CADM1: variants seen among roughly 807,000 people sequenced by gnomAD.
CADM1 encodes the protein cell adhesion molecule 1, also known as TSLC-1.
Under a neutral mutation model 53.1 loss-of-function variants are expected in CADM1, and 15 were observed. The observed-to-expected ratio is 0.28, with a 90% CI of 0.19 to 0.44. CADM1 has a LOEUF of 0.44. Among genes scored for constraint, CADM1 ranks in the 20% least tolerant of loss-of-function variants. The pLI is 1.00. For synonymous variants in CADM1, 281 were observed against 243.0 expected (o/e 1.16, Z -1.45); for missense variants, 434 against 611.3 (o/e 0.71, Z 3.06).
chr11:115,414,269 A>G (rs1323465009), intron 1 of CADM1, among the ~76,000 whole-genome samples: 1 of 152,152 alleles, frequency 6.6e-6, no homozygotes, highest in Admixed American at 6.5e-5. Context: ...CATCAATATG[A>G]TATTTTTACT....
intron 1 of CADM1, among the ~76,000 whole-genome samples, chr11:115,494,198 A>G (rs1438962471): frequency 6.6e-6 from 1 of 152,158 alleles, no homozygotes; most frequent in Non-Finnish European, 1.5e-5. Context: ...TAAAGTAAAT[A>G]CAAGTATTCA....
chr11:115,406,408 G>A (rs1947313152), intron 1 of CADM1, among the ~76,000 whole-genome samples: 3 of 150,944 alleles, frequency 2.0e-5, no homozygotes, highest in African/African-American at 7.3e-5. Flanking sequence ...CTTTACTGAA[G>A]ATTAAACTAA....
At chr11:115,225,324 C>A (rs1941566154) in intron 5 of CADM1, among the ~76,000 whole-genome samples, 1 of 150,172 alleles carries the variant, frequency 6.7e-6, no homozygotes, top group South Asian at 2.1e-4. Flanking sequence ...GGGGGGGGGA[C>A]TTTAATTCAC....
chr11:115,400,597 C>CTTTT (rs1947117174), intron 1 of CADM1, among the ~76,000 whole-genome samples: 1 of 133,804 alleles, frequency 7.5e-6, no homozygotes, highest in African/African-American at 2.9e-5. Flanking sequence ...ATATATCTCT[C>CTTTT]ATATATATAA....
At chr11:115,338,033 A>T (rs1565373150) in intron 1 of CADM1, among the ~76,000 whole-genome samples, 1 of 152,122 alleles carries the variant, frequency 6.6e-6, no homozygotes, top group Non-Finnish European at 1.5e-5. Context: ...ACTGGTCAGG[A>T]AGACTGGCTC....
chr11:115,361,051 A>G (rs993088334), intron 1 of CADM1, among the ~76,000 whole-genome samples: 3 of 152,316 alleles, frequency 2.0e-5, no homozygotes, highest in African/African-American at 7.2e-5. Context: ...TATAATGTCT[A>G]TATGTAATTA....
rs1167850017 is a variant in CADM1, at chr11:115,174,214, G to T, written c.*2260C>A. Reference sequence around the variant, plus strand: ...GCACTACTGTACACTTTTCAAAACAGAAAGATGGGAGGTCCCAAAAATGAG... The same window carrying T: ...GCACTACTGTACACTTTTCAAAACATAAAGATGGGAGGTCCCAAAAATGAG... On this transcript the variant is annotated 3_prime_UTR_variant, in exon 12 of 12. Coordinates refer to ENST00000331581, the MANE Select transcript of CADM1 (RefSeq NM_001301043.2). 2 of 984,656 alleles carry T rather than the reference G, an allele frequency of 2.0e-6. No homozygotes were observed. The highest frequency in any genetic ancestry group is 2.3e-4 in the East Asian group (2 of 8,794). 61.0% of individuals were successfully genotyped at this position (984,656 alleles called of 1,614,324 possible). A position where few individuals can be genotyped will look rare whatever the true frequency, so the allele number is the denominator to read the frequency against.
chr11:115,440,612 G>C lies in CADM1; in HGVS notation c.124+63659C>G, dbSNP rs45473492. Among the ~76,000 whole-genome samples, 822 of 152,254 alleles carry C rather than the reference G, an allele frequency of 5.4e-3. 4 individuals are homozygous for C. Among genetic ancestry groups the C allele is most frequent in the Non-Finnish European group, 8.9e-3 (604 of 68,016 alleles). On this transcript the variant is annotated intron_variant, in intron 1 of 11. Transcript: ENST00000331581. ...GTATTAAGTACACACAGACAGCTAA[G>C]GGGAGTTTGGAGGAAACACCACTGA... is the stretch of plus-strand genomic sequence containing the variant.
At chr11:115,459,358 G>A (rs1948746510) in intron 1 of CADM1, among the ~76,000 whole-genome samples, 1 of 152,100 alleles carries the variant, frequency 6.6e-6, no homozygotes, top group African/African-American at 2.4e-5. Flanking sequence ...CCTTGATAGA[G>A]TTTTATACTT....
intron 1 of CADM1, among the ~76,000 whole-genome samples, chr11:115,319,943 G>C (rs1001227527): frequency 2.0e-5 from 3 of 152,072 alleles, no homozygotes; most frequent in African/African-American, 4.8e-5. Flanking sequence ...GGCCTTATTT[G>C]GAGATTCTGT....
At chr11:115,197,546 CAT>C (rs1940218451) in intron 9 of CADM1, among the ~76,000 whole-genome samples, 1 of 152,100 alleles carries the variant, frequency 6.6e-6, no homozygotes, top group Admixed American at 6.5e-5. Context: ...ATTGGAGAGA[CAT>C]AGAAAAGTTA....
At chr11:115,358,409 AAG>A (rs1328147252) in intron 1 of CADM1, among the ~76,000 whole-genome samples, 19 of 152,286 alleles carry the variant, frequency 1.2e-4, no homozygotes, top group East Asian at 3.9e-4. Flanking sequence ...GGCAACAGAC[AAG>A]AGAGAAGAAC....
chr11:115,340,654 ATATAT>A (rs1463846300), intron 1 of CADM1, among the ~76,000 whole-genome samples: 9 of 52,632 alleles, frequency 1.7e-4, no homozygotes, highest in African/African-American at 2.6e-4. Flanking sequence ...ATATATATAT[ATATAT>A]TTTTTTTTTT....
intron 1 of CADM1, among the ~76,000 whole-genome samples, chr11:115,500,301 GAC>G (rs145273487): frequency 1.3e-5 from 2 of 150,926 alleles, no homozygotes; most frequent in Admixed American, 6.6e-5. Context: ...GCTAAAAACA[GAC>G]ACACACACAC....
chr11:115,368,616 C>G (rs1946231914), intron 1 of CADM1, among the ~76,000 whole-genome samples: 1 of 152,012 alleles, frequency 6.6e-6, no homozygotes, highest in African/African-American at 2.4e-5. Context: ...CATACAGTAA[C>G]AAGAACACCT....
intron 1 of CADM1, among the ~76,000 whole-genome samples, chr11:115,309,007 A>C (rs1382800237): frequency 1.3e-5 from 2 of 152,152 alleles, no homozygotes; most frequent in African/African-American, 4.8e-5. Flanking sequence ...GGCAAGAAAC[A>C]TTTAAGCAAG....
intron 8 of CADM1, among the ~76,000 whole-genome samples, chr11:115,203,239 G>T (rs980473194): frequency 6.6e-5 from 10 of 151,998 alleles, no homozygotes; most frequent in African/African-American, 2.4e-4. Flanking sequence ...CTTTTCATTT[G>T]CAAACCAGAT....
chr11:115,289,593 C>CTTTTTTTTT (rs56766047), intron 1 of CADM1, among the ~76,000 whole-genome samples: 249 of 108,880 alleles, frequency 2.3e-3, no homozygotes, highest in Non-Finnish European at 3.3e-3. Context: ...CTTTTTTTTT[C>CTTTTTTTTT]TTTTTTTTTT....
chr11:115,500,481 C>G (rs186044091), intron 1 of CADM1, among the ~76,000 whole-genome samples: 2 of 152,128 alleles, frequency 1.3e-5, no homozygotes, highest in Non-Finnish European at 2.9e-5. Context: ...TAAAAATTCA[C>G]TTATGTATGA....
Sources: allele counts gnomAD v4.1 joint callset (sites outside exome capture counted in the v4.1 genomes callset), GRCh38; gene constraint gnomAD v4.1.1; transcripts MANE v1.5; gene names NCBI Gene and HGNC (gene_info 2026-07-23, HGNC 2026-07-21).